RSRC1: variants seen among roughly 807,000 people sequenced by gnomAD.
RSRC1 encodes serine/Arginine-related protein 53.
A neutral mutation model predicts 49.1 loss-of-function variants in RSRC1; 39 were observed. The observed-to-expected ratio is 0.79, with a 90% confidence interval of 0.61 to 1.04. The LOEUF is 1.04. RSRC1 is among the 50% of genes least tolerant of loss of function. The pLI is 0.00. For missense variants in RSRC1, 388 were observed against 402.4 expected, an observed-to-expected ratio of 0.96 and a Z score of 0.31; for synonymous variants, 143 against 130.8, an observed-to-expected ratio of 1.09 and a Z score of -0.63.
chr3:158,377,650 C>T (rs1286512210), intron 6 of RSRC1, among the ~76,000 whole-genome samples: 4 of 151,584 alleles, frequency 2.6e-5, no homozygotes, highest in Non-Finnish European at 5.9e-5. Context: ...ACCCAGTCTC[C>T]GATATTCCTT....
At chr3:158,381,888 C>G (rs1024657734) in intron 6 of RSRC1, among the ~76,000 whole-genome samples, 1 of 152,116 alleles carries the variant, frequency 6.6e-6, no homozygotes, top group Non-Finnish European at 1.5e-5. Flanking sequence ...CCATACAGTT[C>G]TGTTTACTTT....
chr3:158,180,078 G>A (rs922528859), intron 3 of RSRC1, among the ~76,000 whole-genome samples: 2 of 151,944 alleles, frequency 1.3e-5, no homozygotes, highest in Non-Finnish European at 2.9e-5. Context: ...TAATTGAATA[G>A]TTTTTTTGTT....
In RSRC1 at chr3:158,203,070, A is replaced by G. The variant is rs747980008; in HGVS notation, c.321-2A>G. The G allele has an allele frequency of 6.2e-7, 1 of 1,609,208 alleles. No homozygotes were observed. The highest frequency in any genetic ancestry group is 8.5e-7 in the Non-Finnish European group (1 of 1,176,738). On this transcript the variant is annotated splice_acceptor_variant, in intron 3 of 9. Coordinates refer to ENST00000611884, the MANE Select transcript of RSRC1 (RefSeq NM_001271838.2). LOFTEE classifies it high-confidence loss of function. The stretch of plus-strand genomic sequence containing the variant: ...TTATTTAACAAAATCTGCTTACTGT[A>G]GGTCCAGGTCAAGACCTCGTCTCCG...
chr3:158,339,800 A>G (rs1313915246), intron 5 of RSRC1, among the ~76,000 whole-genome samples: 2 of 152,238 alleles, frequency 1.3e-5, no homozygotes, highest in Admixed American at 1.3e-4. Flanking sequence ...TAGAAAAGAC[A>G]GACAACAGAA....
intron 3 of RSRC1, among the ~76,000 whole-genome samples, chr3:158,140,285 G>A (rs1578125934): frequency 1.3e-5 from 2 of 152,080 alleles, no homozygotes; most frequent in East Asian, 1.9e-4. Context: ...ACTTTCATAC[G>A]GGAGGCCCCC....
At chr3:158,352,456 A>G (rs975150513) in intron 5 of RSRC1, among the ~76,000 whole-genome samples, 2 of 152,106 alleles carry the variant, frequency 1.3e-5, no homozygotes, top group African/African-American at 4.8e-5. Flanking sequence ...TTTATTTTCT[A>G]TGTCTTAAAT....
intron 7 of RSRC1, among the ~76,000 whole-genome samples, chr3:158,497,334 T>G (rs1739378566): frequency 6.6e-6 from 1 of 151,838 alleles, no homozygotes; most frequent in Admixed American, 6.6e-5. Flanking sequence ...TTTGTGAGAT[T>G]TTGGTGCACC....
At chr3:158,287,122 A>G (rs1339466840) in intron 4 of RSRC1, among the ~76,000 whole-genome samples, 1 of 152,182 alleles carries the variant, frequency 6.6e-6, no homozygotes, top group Admixed American at 6.5e-5. Flanking sequence ...CACTGCGCCT[A>G]GCCTTTTCCC....
chr3:158,286,253 G>A (rs1339613465), intron 4 of RSRC1, among the ~76,000 whole-genome samples: 1 of 152,128 alleles, frequency 6.6e-6, no homozygotes, highest in Non-Finnish European at 1.5e-5. Flanking sequence ...AGAGTTGAAA[G>A]TAATAAATTC....
chr3:158,301,538 T>G (rs1176451403), intron 5 of RSRC1, among the ~76,000 whole-genome samples: 67 of 152,284 alleles, frequency 4.4e-4, no homozygotes, highest in African/African-American at 1.6e-3. Flanking sequence ...GGCTTCTGGG[T>G]TCTTATAACA....
chr3:158,316,746 A>T (rs531753910), intron 5 of RSRC1, among the ~76,000 whole-genome samples: 76 of 152,188 alleles, frequency 5.0e-4, no homozygotes, highest in African/African-American at 1.8e-3. Context: ...GCCCGGCAGA[A>T]TCTCTCATTT....
At chr3:158,260,531 G>T (rs1337454804) in intron 4 of RSRC1, among the ~76,000 whole-genome samples, 2 of 152,146 alleles carry the variant, frequency 1.3e-5, no homozygotes, top group African/African-American at 2.4e-5. Flanking sequence ...GGGATTAGGG[G>T]AGGAGTGACA....
chr3:158,357,901 T>C (rs891827566), intron 6 of RSRC1, among the ~76,000 whole-genome samples: 2 of 152,218 alleles, frequency 1.3e-5, no homozygotes, highest in Non-Finnish European at 2.9e-5. Flanking sequence ...ACTTGATAGA[T>C]AAGGTTAATA....
chr3:158,331,394 CT>C (rs1238885387), intron 5 of RSRC1, among the ~76,000 whole-genome samples: 3 of 152,092 alleles, frequency 2.0e-5, no homozygotes, highest in Non-Finnish European at 2.9e-5. Flanking sequence ...CTTACAAGAA[CT>C]TTTTTTGAAT....
intron 6 of RSRC1, among the ~76,000 whole-genome samples, chr3:158,377,787 G>A (rs570128314): frequency 1.2e-3 from 181 of 152,018 alleles, no homozygotes; most frequent in Non-Finnish European, 2.2e-3. Flanking sequence ...AGCCTCCCGA[G>A]TAGCTGAGAT....
intron 3 of RSRC1, among the ~76,000 whole-genome samples, chr3:158,190,509 T>C (rs2108263438): frequency 1.3e-5 from 2 of 151,698 alleles, no homozygotes; most frequent in South Asian, 4.1e-4. Context: ...AGATGACTTA[T>C]TTTATTTTAA....
At chr3:158,490,734 G>A (rs571583573) in intron 7 of RSRC1, among the ~76,000 whole-genome samples, 1 of 152,280 alleles carries the variant, frequency 6.6e-6, no homozygotes, top group African/African-American at 2.4e-5. Flanking sequence ...TGAATGGAGA[G>A]AAATTTGTGC....
At chr3:158,147,008 C>G (rs1717173385) in intron 3 of RSRC1, among the ~76,000 whole-genome samples, 1 of 151,518 alleles carries the variant, frequency 6.6e-6, no homozygotes, top group African/African-American at 2.4e-5. Context: ...AGATTTTCCC[C>G]ATGGCTGCTT....
At position 158,205,285 on chromosome 3, in the gene RSRC1, T is replaced by C. The variant is rs578192092; in HGVS notation, c.494+2040T>C. On this transcript the variant is annotated intron_variant, in intron 4 of 9. Transcript: ENST00000611884. ...GTGCTGAGGTGCACACAGATTCTTA[T>C]ATTTCCTAAGCCTGATTTTCAAGCC... is the stretch of plus-strand genomic sequence containing the variant. Among the ~76,000 whole-genome samples the C allele has an allele frequency of 1.7e-3, 257 of 152,276 alleles. 1 individual carries two copies. Among genetic ancestry groups the C allele is most frequent in the African/African-American group, 5.7e-3 (237 of 41,558 alleles).
Sources: allele counts gnomAD v4.1 joint callset (sites outside exome capture counted in the v4.1 genomes callset), GRCh38; gene constraint gnomAD v4.1.1; transcripts MANE v1.5; gene names NCBI Gene and HGNC (gene_info 2026-07-23, HGNC 2026-07-21).